Variants in CTR9 observed in about 807,000 individuals in gnomAD.
CTR9 encodes the protein RNA polymerase-associated protein CTR9 homolog.
In CTR9, 41 loss-of-function variants were observed where a neutral mutation model predicts 152.1. The observed-to-expected ratio is 0.27, with a 90% CI of 0.21 to 0.35. The LOEUF (loss-of-function observed/expected upper bound fraction) is 0.35. CTR9 is among the 10% of genes least tolerant of loss of function. The pLI, the probability that CTR9 is intolerant of heterozygous loss-of-function variation, is 1.00. For synonymous variants in CTR9, 476 were observed against 496.2 expected (o/e 0.96, Z 0.54); for missense variants, 917 against 1,424.4 (o/e 0.64, Z 5.73).
rs746902455 is a variant in CTR9, at chr11:10,770,521, T to C, written c.2261T>C (p.Met754Thr). Residue 754 changes from methionine to threonine, a missense_variant, in exon 18 of 25, where the codon ATG (methionine) becomes ACG (threonine). Met to Thr is a moderately conservative substitution (Grantham distance 81, BLOSUM62 -1). Coordinates refer to ENST00000361367, the MANE Select transcript of CTR9 (RefSeq NM_014633.5). ...GTGGCACCCAGTGATACAGTTCTTA[T>C]GTTTAATGTGGCCTTGGTCCTGCAA... is the stretch of plus-strand genomic sequence containing the variant. ...RHVAPSDTVL[M>T]FNVALVLQRL... The C allele has an allele frequency of 6.2e-7, 1 of 1,614,020 alleles. No homozygotes were observed. Among genetic ancestry groups the C allele is most frequent in the Non-Finnish European group, 8.5e-7 (1 of 1,179,952 alleles).
Position 10,773,212 on chromosome 11 carries a change from T to C in CTR9, c.2666T>C (p.Leu889Pro). ...AQYVEKTKNI[L>P]MFTGETEATK... The stretch of plus-strand genomic sequence containing the variant: ...TATGTGGAGAAGACCAAAAATATTC[T>C]TATGTTTACTGGTGAGACTGAAGCA... Residue 889 changes from leucine (L) to proline (P), a missense_variant, in exon 21 of 25, where the codon CTT becomes CCT. Physicochemically the swap from Leu to Pro is moderately conservative, Grantham distance 98 (BLOSUM62 -3). This residue lies in a region of CTR9 where 384 missense variants were observed against 398.4 expected (regional missense o/e 0.96). Transcript: ENST00000361367. The C allele has an allele frequency of 1.2e-6, 2 of 1,613,194 alleles. No homozygotes were observed. Among genetic ancestry groups the C allele is most frequent in the Non-Finnish European group, 1.7e-6 (2 of 1,179,788 alleles).
intron 6 of CTR9, among the ~76,000 whole-genome samples, chr11:10,761,183 A>G (rs772045080): frequency 1.1e-4 from 17 of 152,148 alleles, no homozygotes; most frequent in Admixed American, 7.2e-4. Flanking sequence ...GCGTTCCTCC[A>G]ATTGTGATAA....
Position 10,752,884 on chromosome 11 carries a change from T to C in CTR9, c.144+114T>C, listed in dbSNP as rs1033347157. The C allele has an allele frequency of 2.3e-5, 17 of 753,690 alleles. No homozygotes were observed. The Middle Eastern group carries it at 1.2e-3, about 54-fold the overall frequency. 46.7% of individuals were successfully genotyped at this position (753,690 alleles called of 1,614,324 possible). The stretch of plus-strand genomic sequence containing the variant: ...TGCATGGTAGATTAGTTATACCATG[T>C]GTATGGAAGTTAATTGTGTTAATAA... On this transcript the variant is annotated intron_variant, in intron 2 of 24. Coordinates refer to ENST00000361367, the MANE Select transcript of CTR9 (RefSeq NM_014633.5).
At chr11:10,769,254 G>A (rs1452544697) in intron 16 of CTR9, among the ~76,000 whole-genome samples, 3 of 152,192 alleles carry the variant, frequency 2.0e-5, no homozygotes, top group African/African-American at 2.4e-5. Context: ...ACAAAACAGC[G>A]ATAAGATTTA....
chr11:10,775,337 A>G (rs1351386705), intron 23 of CTR9, 34 bp downstream of exon 23: 8 of 1,567,890 alleles, frequency 5.1e-6, no homozygotes, highest in Non-Finnish European at 7.0e-6. Flanking sequence ...TCTGTCCCCT[A>G]GTAGATGTGA....
chr11:10,772,711 T>G, intron 20 of CTR9, 56 bp downstream of exon 20: 2 of 1,473,042 alleles, frequency 1.4e-6, no homozygotes, highest in Non-Finnish European at 1.8e-6. Flanking sequence ...ATGCATACAC[T>G]TTGTATGTTT....
At chr11:10,778,225 A>G (rs768627167) in intron 24 of CTR9, among the ~76,000 whole-genome samples, 1 of 152,204 alleles carries the variant, frequency 6.6e-6, no homozygotes, top group African/African-American at 2.4e-5. Flanking sequence ...GGACAGGGAA[A>G]TGTCCTTTGA....
intron 20 of CTR9, 71 bp downstream of exon 20, chr11:10,772,726 A>G (rs1429177218): frequency 7.0e-7 from 1 of 1,432,498 alleles, no homozygotes; most frequent in African/African-American, 1.5e-5. Context: ...ATGTTTAAAA[A>G]AAAAAGTCCT....
intron 4 of CTR9, among the ~76,000 whole-genome samples, chr11:10,756,164 A>C (rs1862881081): frequency 6.6e-6 from 1 of 152,220 alleles, no homozygotes; most frequent in Admixed American, 6.5e-5. Flanking sequence ...TTTTTTCAAA[A>C]AAGAGTAATT....
chr11:10,760,403 G>A (rs1168107888), intron 6 of CTR9, 82 bp downstream of exon 6: 9 of 1,323,922 alleles, frequency 6.8e-6, no homozygotes, highest in Non-Finnish European at 9.5e-6. Context: ...GGAGCCAGAT[G>A]TGTCTTAGAA....
In CTR9 at chr11:10,764,589, G is replaced by A. The variant is rs368774420; in HGVS notation, c.1455G>A (p.Ala485=). The A allele has an allele frequency of 1.8e-4, 290 of 1,612,142 alleles. 2 individuals are homozygous for A. The highest frequency in any genetic ancestry group is 1.7e-3 in the Middle Eastern group (10 of 6,058). The change falls in exon 12 of 25, where the codon GCG becomes GCA. Residue 485 remains alanine (A), a synonymous_variant. Transcript: ENST00000361367. ...LASLDRAKAE[A]EHDEHYYNAI... is the part of the protein sequence containing the mutation. ...CATTGGACCGTGCAAAAGCAGAAGC[G>A]GAACACGATGAGCATTACTATAACG...
chr11:10,775,301 G>T lies in CTR9; in HGVS notation c.2980G>T (p.Ala994Ser), dbSNP rs769801717. 1 of 1,613,458 alleles carries T rather than the reference G, an allele frequency of 6.2e-7. No individual in the cohort carries two copies. Among genetic ancestry groups the T allele is most frequent in the Non-Finnish European group, 8.5e-7 (1 of 1,179,554 alleles). Residue 994 changes from alanine to serine, a missense_variant and splice_region_variant, in exon 23 of 25, where the codon GCT (alanine) becomes TCT (serine). Transcript: ENST00000361367. ...TCCACCAAAAGCAGAGAAGAAAAAG[G>T]CTGTAAGTTTATAGTACTGTGTTTT... ...RRPPKAEKKK[A>S]PKPERLPPSM...
intron 18 of CTR9, among the ~76,000 whole-genome samples, chr11:10,771,205 CTTGT>C (rs966387128): frequency 1.3e-5 from 2 of 152,170 alleles, no homozygotes; most frequent in African/African-American, 4.8e-5. Flanking sequence ...TATTTTTATT[CTTGT>C]TTAACAATTC....
At position 10,767,643 on chromosome 11, in the gene CTR9, A is replaced by G. The variant is rs560167944; in HGVS notation, c.1687-163A>G. The G allele has an allele frequency of 1.5e-6, 1 of 670,598 alleles. No individual in the cohort carries two copies. Among genetic ancestry groups the G allele is most frequent in the East Asian group, 2.5e-5 (1 of 39,616 alleles). 41.5% of individuals were successfully genotyped at this position (670,598 alleles called of 1,614,324 possible). A position where few individuals can be genotyped will look rare whatever the true frequency, so the allele number is the denominator to read the frequency against. On this transcript the variant is annotated intron_variant, in intron 13 of 24. Transcript: ENST00000361367. The surrounding 1 kb of genome is among the most constrained non-coding windows in gnomAD (Gnocchi z 4.0). ...AGCTTTAGCATTAGTAGTTCGATAA[A>G]TTTGGATTGCCATGCAAAAAAAAAA...
rs2132517 is a variant in CTR9, at chr11:10,770,436, G to A, written c.2227-51G>A. 0.16 allele frequency: 250,136 copies of A among 1,594,652 alleles called. 29,951 individuals carry two copies. Among genetic ancestry groups the A allele is most frequent in the African/African-American group, 0.62 (46,138 of 73,916 alleles). ...TACTTAATAATACTCTGCTGTCTAA[G>A]ATCCTTTTCATGTCATTTGAACATA... On this transcript the variant is annotated intron_variant, in intron 17 of 24. Transcript: ENST00000361367.
intron 1 of CTR9, among the ~76,000 whole-genome samples, chr11:10,751,953 TC>T (rs1444610179): frequency 6.6e-6 from 1 of 152,180 alleles, no homozygotes; most frequent in Non-Finnish European, 1.5e-5. Flanking sequence ...CAACGAGATA[TC>T]CCAAGATTTA....
rs147350120 is a variant in CTR9, at chr11:10,760,594, CA to C, written c.741+286del. Among the ~76,000 whole-genome samples the C allele has an allele frequency of 0.012, 1,541 of 130,692 alleles. 30 individuals carry two copies. Among genetic ancestry groups the C allele is most frequent in the African/African-American group, 0.037 (1,396 of 37,398 alleles). 85.7% of individuals were successfully genotyped at this position (130,692 alleles called of 152,430 possible). A position where few individuals can be genotyped will look rare whatever the true frequency, so the allele number is the denominator to read the frequency against. ...CCAAATAAGTTTGCTCCAAGATTAC[CA>C]AAAAAAAAAAAACAGAAAACAAAAC... On this transcript the variant is annotated intron_variant, in intron 6 of 24. Transcript: ENST00000361367.
chr11:10,761,359 A>G (rs531343185), intron 6 of CTR9, among the ~76,000 whole-genome samples: 1 of 74,632 alleles, frequency 1.3e-5, no homozygotes, highest in South Asian at 6.1e-4. Context: ...CAAAATCTGG[A>G]TTCTGTTAGC....
At chr11:10,759,627 A>G (rs907480100) in intron 5 of CTR9, among the ~76,000 whole-genome samples, 8 of 152,102 alleles carry the variant, frequency 5.3e-5, no homozygotes, top group Admixed American at 2.6e-4. Flanking sequence ...AGAATGAATG[A>G]TCCAGTAGAG....
Sources: allele counts gnomAD v4.1 joint callset (sites outside exome capture counted in the v4.1 genomes callset), GRCh38; gene constraint gnomAD v4.1.1; regional missense constraint gnomAD v4.1.1; non-coding constraint Gnocchi (gnomAD v3.1); transcripts MANE v1.5; gene names NCBI Gene and HGNC (gene_info 2026-07-23, HGNC 2026-07-21).